The following CARMIL1 variants were observed in gnomAD, a reference collection of about 807,000 sequenced individuals.
The protein encoded by CARMIL1 is capping protein regulator and myosin 1 linker 1, also known as F-actin-uncapping protein LRRC16A.
In CARMIL1, 90 loss-of-function variants were observed where a neutral mutation model predicts 177.1. The ratio of observed to expected loss-of-function variants is 0.51; its 90% CI spans 0.43 to 0.61. The LOEUF (loss-of-function observed/expected upper bound fraction) is 0.61, where lower values mean the gene tolerates loss of function less well. Ranked by LOEUF, CARMIL1 falls within the 20% of genes least tolerant of loss-of-function variation. The pLI is 0.00. For missense variants in CARMIL1, 1,380 were observed against 1,667.0 expected, an observed-to-expected ratio of 0.83 and a Z score of 3.00; for synonymous variants, 577 against 606.2, an observed-to-expected ratio of 0.95 and a Z score of 0.71.
At chr6:25,459,273 T>TCTTTCTC (rs1390647134) in intron 8 of CARMIL1, among the ~76,000 whole-genome samples, 4 of 132,744 alleles carry the variant, frequency 3.0e-5, no homozygotes, top group African/African-American at 1.2e-4. Context: ...TTTCTTTTTT[T>TCTTTCTC]TTTTTTTAAG....
rs544818054 is a variant in CARMIL1 at position 25,549,807 on chromosome 6, C to T, written c.2329-1103C>T. On this transcript the variant is annotated intron_variant, in intron 26 of 36. Coordinates refer to ENST00000329474, the MANE Select transcript of CARMIL1 (RefSeq NM_017640.6). ...ATCCAAGCCTTGCTTTCAAAAACTG[C>T]GTTTCTTATCATTAAGAACAGTCTT... Among the ~76,000 whole-genome samples, 21 of 152,268 alleles carry T rather than the reference C, an allele frequency of 1.4e-4. No individual in the cohort carries two copies. In the South Asian group the frequency reaches 3.1e-3, roughly 23 times the overall value.
intron 29 of CARMIL1, among the ~76,000 whole-genome samples, chr6:25,578,285 C>G (rs1812784054): frequency 6.6e-6 from 1 of 152,140 alleles, no homozygotes; most frequent in African/African-American, 2.4e-5. Flanking sequence ...GAGAAGAGAG[C>G]TAACAGTGTT....
chr6:25,397,468 A>G (rs1793515848), intron 2 of CARMIL1, among the ~76,000 whole-genome samples: 2 of 152,294 alleles, frequency 1.3e-5, no homozygotes, highest in Non-Finnish European at 2.9e-5. Context: ...CATCTGGTGC[A>G]TAGGGTGGGG....
intron 2 of CARMIL1, among the ~76,000 whole-genome samples, chr6:25,380,582 TA>T (rs889198916): frequency 2.0e-4 from 31 of 152,150 alleles, no homozygotes; most frequent in Non-Finnish European, 3.5e-4. Flanking sequence ...TACAAAAAAC[TA>T]AAAAAAACTT....
intron 4 of CARMIL1, among the ~76,000 whole-genome samples, chr6:25,429,662 C>G (rs6456682): frequency 0.57 from 85,954 of 151,816 alleles, 24,477 homozygotes; most frequent in Non-Finnish European, 0.61. Flanking sequence ...TTAGTTTGTT[C>G]AGAGTTTTAA....
intron 2 of CARMIL1, among the ~76,000 whole-genome samples, chr6:25,316,021 A>G (rs1784244993): frequency 6.6e-6 from 1 of 152,190 alleles, no homozygotes; most frequent in African/African-American, 2.4e-5. Context: ...CCTAAGCTAA[A>G]TGTTATGACT....
chr6:25,381,379 C>T (rs1178470835), intron 2 of CARMIL1, among the ~76,000 whole-genome samples: 3 of 152,190 alleles, frequency 2.0e-5, no homozygotes, highest in East Asian at 1.9e-4. Context: ...ATTTTTTCCA[C>T]ACCAACAACC....
chr6:25,428,045 T>C (rs1355714017), intron 4 of CARMIL1, among the ~76,000 whole-genome samples: 9 of 152,206 alleles, frequency 5.9e-5, no homozygotes, highest in Admixed American at 5.9e-4. Flanking sequence ...TATCAATGTT[T>C]TCTTTTATGG....
intron 8 of CARMIL1, among the ~76,000 whole-genome samples, chr6:25,460,130 A>G (rs1053037001): frequency 2.6e-5 from 4 of 152,260 alleles, no homozygotes; most frequent in Non-Finnish European, 5.9e-5. Context: ...CTGTCCTGCC[A>G]TAAACTCCAC....
chr6:25,540,982 A>T (rs1203891789), intron 26 of CARMIL1, among the ~76,000 whole-genome samples: 1 of 152,146 alleles, frequency 6.6e-6, no homozygotes, highest in Non-Finnish European at 1.5e-5. Context: ...TATTTTATTT[A>T]ATCACGGTTG....
At chr6:25,451,434 T>C (rs761217010) in intron 8 of CARMIL1, among the ~76,000 whole-genome samples, 1 of 152,306 alleles carries the variant, frequency 6.6e-6, no homozygotes, top group Non-Finnish European at 1.5e-5. Flanking sequence ...TGGTAGGGTG[T>C]ATATGTGTAT....
At position 25,402,292 on chromosome 6, in the gene CARMIL1, G is replaced by A. The variant is rs976568773; in HGVS notation, c.139-17822G>A. Among the ~76,000 whole-genome samples the A allele has an allele frequency of 1.7e-4, 26 of 152,252 alleles. No individual in the cohort carries two copies. The East Asian group carries it at 3.5e-3, about 20-fold the overall frequency. ...TTTATGTGACATTTAGAATGTTAGC[G>A]TTGAATACGCGTCAAGGAAGAAAAT... On this transcript the variant is annotated intron_variant, in intron 2 of 36. Transcript: ENST00000329474.
rs762327468 is a variant in CARMIL1, at chr6:25,551,047, G to T, written c.2466G>T (p.Leu822=). 6.2e-7 allele frequency: 1 copy of T among 1,613,466 alleles called. No homozygotes were observed. The highest frequency in any genetic ancestry group is 1.1e-5 in the South Asian group (1 of 91,068). ...CACGTACCTTTGTTAAAAATGTCCT[G>T]TTGGAGCAGTCTGGAATTGATATCC... ...SIPRTFVKNV[L]LEQSGIDILN... Residue 822 remains leucine (L), a synonymous_variant, in exon 27 of 37, where the codon CTG becomes CTT. Coordinates refer to ENST00000329474, the MANE Select transcript of CARMIL1 (RefSeq NM_017640.6).
At chr6:25,593,246 A>G (rs1046945426) in intron 31 of CARMIL1, among the ~76,000 whole-genome samples, 6 of 152,122 alleles carry the variant, frequency 3.9e-5, no homozygotes, top group Admixed American at 3.9e-4. Flanking sequence ...CATCACCTCC[A>G]GATTACATTA....
intron 8 of CARMIL1, among the ~76,000 whole-genome samples, chr6:25,451,798 TAATA>T (rs1474925955): frequency 6.6e-6 from 1 of 152,022 alleles, no homozygotes; most frequent in Non-Finnish European, 1.5e-5. Flanking sequence ...CAGCCCTACT[TAATA>T]AATTAGTAGC....
intron 2 of CARMIL1, among the ~76,000 whole-genome samples, chr6:25,312,508 G>C (rs1213739801): frequency 6.6e-6 from 1 of 152,056 alleles, no homozygotes; most frequent in Non-Finnish European, 1.5e-5. Flanking sequence ...AATTTCTTGA[G>C]GGCCACACCC....
At chr6:25,441,038 G>A (rs1486505010) in intron 5 of CARMIL1, among the ~76,000 whole-genome samples, 3 of 151,932 alleles carry the variant, frequency 2.0e-5, no homozygotes, top group Non-Finnish European at 4.4e-5. Context: ...TACCTCCAAA[G>A]ATCTGAATTT....
chr6:25,341,325 A>G (rs16890409), intron 2 of CARMIL1, among the ~76,000 whole-genome samples: 22,638 of 152,226 alleles, frequency 0.15, 1,884 homozygotes, highest in East Asian at 0.27. Context: ...CAGAGTCATA[A>G]GGAAAGAATA....
Position 25,445,051 on chromosome 6 carries a change from T to G in CARMIL1, c.372-4847T>G, listed in dbSNP as rs559129304. Among the ~76,000 whole-genome samples the G allele has an allele frequency of 3.1e-4, 47 of 152,354 alleles. No homozygotes were observed. In the East Asian group the frequency reaches 7.1e-3, roughly 23 times the overall value. On this transcript the variant is annotated intron_variant, in intron 5 of 36. Transcript: ENST00000329474. Reference sequence around the variant, plus strand: ...CCAGCATCTGTTGTTCCCTGACTTTTTAATGATTGCCATTCTAACTGGCGT... The same window carrying G: ...CCAGCATCTGTTGTTCCCTGACTTTGTAATGATTGCCATTCTAACTGGCGT...
Sources: allele counts gnomAD v4.1 joint callset (sites outside exome capture counted in the v4.1 genomes callset), GRCh38; gene constraint gnomAD v4.1.1; transcripts MANE v1.5; gene names NCBI Gene and HGNC (gene_info 2026-07-23, HGNC 2026-07-21).